The following KLHL18 variants were observed in gnomAD, a reference collection of about 807,000 sequenced individuals.
The protein encoded by KLHL18 is kelch like family member 18, also known as kelch-like protein 18.
A neutral mutation model predicts 58.5 loss-of-function variants in KLHL18; 38 were observed. That is an observed-to-expected ratio of 0.65 (90% CI 0.50 to 0.85). KLHL18 has a LOEUF of 0.85. Among genes scored for constraint, KLHL18 ranks in the 40% least tolerant of loss-of-function variants. KLHL18 has a pLI of 0.00. For missense variants in KLHL18, 624 were observed against 778.4 expected, an observed-to-expected ratio of 0.80 and a Z score of 2.36; for synonymous variants, 303 against 301.9, an observed-to-expected ratio of 1.00 and a Z score of -0.04.
At chr3:47,293,780 AT>A in intron 1 of KLHL18, among the ~76,000 whole-genome samples, 1 of 152,274 alleles carries the variant, frequency 6.6e-6, no homozygotes, top group South Asian at 2.1e-4. Flanking sequence ...CCTCATACTC[AT>A]TATGTCTAAA....
chr3:47,315,105 A>G (rs1162414702), intron 1 of KLHL18, among the ~76,000 whole-genome samples: 2 of 152,224 alleles, frequency 1.3e-5, no homozygotes, highest in African/African-American at 4.8e-5. Context: ...GGGGAAAGAC[A>G]TATCAGCAAA....
chr3:47,334,042 G>T lies in KLHL18; in HGVS notation c.762-641G>T, dbSNP rs2107653584. Among the ~76,000 whole-genome samples, 1 of 152,332 alleles carries T rather than the reference G, an allele frequency of 6.6e-6. No individual in the cohort carries two copies. Among genetic ancestry groups the T allele is most frequent in the East Asian group, 1.9e-4 (1 of 5,188 alleles). On this transcript the variant is annotated intron_variant, in intron 5 of 9. Coordinates refer to ENST00000232766, the MANE Select transcript of KLHL18 (RefSeq NM_025010.5). This position sits in a 1 kb window ranked among gnomAD's most constrained non-coding sequence, Gnocchi z 4.7. ...ATTTTCCAACTCCTGGTTGGGATCA[G>T]CTGGTTCAGGAGGAAGTAAGTGCCT...
At chr3:47,333,623 TA>T (rs1317359830) in intron 5 of KLHL18, among the ~76,000 whole-genome samples, 1 of 152,262 alleles carries the variant, frequency 6.6e-6, no homozygotes, top group African/African-American at 2.4e-5. Context: ...CAACCATCTT[TA>T]CTGCCTGCTC....
rs981286129 is a variant in KLHL18, at chr3:47,346,615, A to G, written c.*2674A>G. 6.6e-6 allele frequency: 1 copy of G among 152,644 alleles called. No homozygotes were observed. The highest frequency in any genetic ancestry group is 2.4e-5 in the African/African-American group (1 of 41,460). 9.5% of individuals were successfully genotyped at this position (152,644 alleles called of 1,614,324 possible). On this transcript the variant is annotated 3_prime_UTR_variant, in exon 10 of 10. Transcript: ENST00000232766. ...CCTTGAGTGTTTCACCTTCTTGGAT[A>G]ACACACGGGCCTTCTCTTCTGGATT...
At chr3:47,331,285 C>A (rs771447653) in intron 4 of KLHL18, among the ~76,000 whole-genome samples, 11 of 151,650 alleles carry the variant, frequency 7.3e-5, no homozygotes, top group Non-Finnish European at 1.3e-4. Context: ...CGCTACCATG[C>A]CTGGCTAATT....
chr3:47,290,607 G>A (rs2107577527), intron 1 of KLHL18, among the ~76,000 whole-genome samples: 3 of 152,222 alleles, frequency 2.0e-5, no homozygotes, highest in East Asian at 3.9e-4. Context: ...GACCACAGGT[G>A]TATGCCACCA....
rs1460356238 is a variant in KLHL18 at position 47,334,250 on chromosome 3, G to A, written c.762-433G>A. On this transcript the variant is annotated intron_variant, in intron 5 of 9. Transcript: ENST00000232766. This position sits in a 1 kb window ranked among gnomAD's most constrained non-coding sequence, Gnocchi z 4.7. ...CTCTAGTGTGGAAGTGGAATGGAGG[G>A]GCAGGCCTGAGGCAGGGAAATGTGT... Among the ~76,000 whole-genome samples, 1 of 152,120 alleles carries A rather than the reference G, an allele frequency of 6.6e-6. No individual in the cohort carries two copies. The highest frequency in any genetic ancestry group is 6.5e-5 in the Admixed American group (1 of 15,270).
chr3:47,325,487 A>G (rs941629083), intron 3 of KLHL18, among the ~76,000 whole-genome samples: 1 of 152,070 alleles, frequency 6.6e-6, no homozygotes. Context: ...GTGAGCCACC[A>G]CGCCCAGCCG....
chr3:47,336,700 C>G lies in KLHL18; in HGVS notation c.1064C>G (p.Ala355Gly), dbSNP rs1272205783. The G allele has an allele frequency of 1.2e-6, 2 of 1,614,190 alleles. No individual in the cohort carries two copies. The highest frequency in any genetic ancestry group is 3.3e-5 in the Admixed American group (2 of 60,020). Residue 355 changes from alanine (A) to glycine (G), a missense_variant, in exon 7 of 10, where the codon GCC becomes GGC. Physicochemically the swap from Ala to Gly is moderately conservative, Grantham distance 60. Transcript: ENST00000232766. ...CAGCTACGGCTGAGCACTGTGGAGG[C>G]CTACAACCCGGAGACAGACACATGG... is the stretch of plus-strand genomic sequence containing the variant. Reference protein sequence around the residue: ...DGQLRLSTVEAYNPETDTWTR... With the variant: ...DGQLRLSTVEGYNPETDTWTR...
intron 1 of KLHL18, among the ~76,000 whole-genome samples, chr3:47,311,595 G>A (rs1235679805): frequency 1.3e-5 from 2 of 152,146 alleles, no homozygotes; most frequent in Non-Finnish European, 2.9e-5. Flanking sequence ...AGGAGACTGA[G>A]GCAGGAGAAT....
chr3:47,316,669 G>A (rs1209668842), intron 1 of KLHL18, among the ~76,000 whole-genome samples: 3 of 101,770 alleles, frequency 2.9e-5, no homozygotes, highest in Non-Finnish European at 4.0e-5. Flanking sequence ...ACATATATAC[G>A]TATATATGTA....
intron 1 of KLHL18, among the ~76,000 whole-genome samples, chr3:47,284,641 C>G (rs1576124452): frequency 1.3e-5 from 2 of 152,016 alleles, no homozygotes; most frequent in South Asian, 2.1e-4. Context: ...CCAGCCTGCT[C>G]TTCTTATTTT....
chr3:47,328,601 G>A (rs1196296499), intron 3 of KLHL18, among the ~76,000 whole-genome samples: 2 of 152,070 alleles, frequency 1.3e-5, no homozygotes, highest in Admixed American at 6.6e-5. Flanking sequence ...CCAGGCTACC[G>A]TGGGAATGTG....
chr3:47,305,546 C>T (rs1389437979), intron 1 of KLHL18, among the ~76,000 whole-genome samples: 2 of 151,878 alleles, frequency 1.3e-5, no homozygotes, highest in Non-Finnish European at 2.9e-5. Flanking sequence ...CATATATATT[C>T]ATGAGGGATA....
intron 3 of KLHL18, 60 bp downstream of exon 3, chr3:47,322,768 C>T: frequency 6.8e-7 from 1 of 1,460,432 alleles, no homozygotes; most frequent in East Asian, 2.5e-5. Context: ...GAATCTTCTG[C>T]CAGTTTGCTG....
chr3:47,343,953 G>A lies in KLHL18; in HGVS notation c.*12G>A, dbSNP rs757047236. ...TCCTCACCATCTAAGGCAGAGGATG[G>A]GATGTGGTGGGGCAGGGATCTGGTA... On this transcript the variant is annotated 3_prime_UTR_variant, in exon 10 of 10. Coordinates refer to ENST00000232766, the MANE Select transcript of KLHL18 (RefSeq NM_025010.5). 1 of 1,611,178 alleles carries A rather than the reference G, an allele frequency of 6.2e-7. No individual in the cohort carries two copies. The highest frequency in any genetic ancestry group is 8.5e-7 in the Non-Finnish European group (1 of 1,179,800).
In KLHL18 at chr3:47,345,884, T is replaced by C. The variant is rs140462754; in HGVS notation, c.*1943T>C. The C allele has an allele frequency of 8.7e-4, 133 of 152,758 alleles. 2 individuals are homozygous for C. Among genetic ancestry groups the C allele is most frequent in the African/African-American group, 3.0e-3 (125 of 41,548 alleles). 9.5% of individuals were successfully genotyped at this position (152,758 alleles called of 1,614,324 possible). On this transcript the variant is annotated 3_prime_UTR_variant, in exon 10 of 10. Transcript: ENST00000232766. ...TACAACTTAGGAGCTAGGCCTCTGC[T>C]ACAAGCACTTGAAAATGATATTTTT...
Position 47,322,597 on chromosome 3 carries a change from A to T in KLHL18, c.290A>T (p.Tyr97Phe). The change falls in exon 3 of 10, where the codon TAC becomes TTC. Residue 97 changes from tyrosine (Y) to phenylalanine (F), a missense_variant. Coordinates refer to ENST00000232766, the MANE Select transcript of KLHL18 (RefSeq NM_025010.5). ...CTGGAGGCTCTGATCAACTTTGCCT[A>T]CAACGGCAACCTTGCCATTGACCAG... ...SALEALINFA[Y>F]NGNLAIDQQN... is the part of the protein sequence containing the mutation. The T allele has an allele frequency of 6.2e-7, 1 of 1,607,000 alleles. No individual in the cohort carries two copies. Among genetic ancestry groups the T allele is most frequent in the Non-Finnish European group, 8.5e-7 (1 of 1,177,212 alleles).
chr3:47,342,578 A>G, intron 8 of KLHL18, 141 bp from the exon 9 acceptor site: 1 of 656,232 alleles, frequency 1.5e-6, no homozygotes, highest in South Asian at 1.9e-5. Flanking sequence ...AGCCAGGGAG[A>G]ACTGTCAGAG....
Sources: allele counts gnomAD v4.1 joint callset (sites outside exome capture counted in the v4.1 genomes callset), GRCh38; gene constraint gnomAD v4.1.1; non-coding constraint Gnocchi (gnomAD v3.1); transcripts MANE v1.5; gene names NCBI Gene and HGNC (gene_info 2026-07-23, HGNC 2026-07-21).